Variants in RSPH3 observed in about 807,000 individuals in gnomAD.
RSPH3 encodes radial spoke head 3, also known as radial spoke head protein 3 homolog.
RSPH3 carries 21 observed loss-of-function variants against 43.8 expected under a neutral mutation model. The observed-to-expected ratio is 0.48, with a 90% CI of 0.34 to 0.69. The LOEUF is 0.69. Ranked by LOEUF, RSPH3 falls within the 30% of genes least tolerant of loss-of-function variation. The pLI is 0.01. For missense variants in RSPH3, 487 were observed against 516.0 expected, an observed-to-expected ratio of 0.94 and a Z score of 0.54; for synonymous variants, 173 against 179.8, an observed-to-expected ratio of 0.96 and a Z score of 0.30.
At position 158,993,933 on chromosome 6, in the gene RSPH3, A is replaced by G. The variant is rs781413612; in HGVS notation, c.117-7T>C. On this transcript the variant is annotated splice_region_variant and splice_polypyrimidine_tract_variant and intron_variant, in intron 1 of 7. Coordinates refer to ENST00000367069, the MANE Select transcript of RSPH3 (RefSeq NM_031924.8). The stretch of plus-strand genomic sequence containing the variant: ...ATGCATAGGTTCTTCATCTCTGTAA[A>G]ACAGAAAATTCTGTATAACCACTTT... 6.4e-7 allele frequency: 1 copy of G among 1,565,128 alleles called. No individual in the cohort carries two copies. The highest frequency in any genetic ancestry group is 1.7e-5 in the Admixed American group (1 of 59,768).
chr6:158,967,453 T>C, the RSPH3 span, among the ~76,000 whole-genome samples: 4 of 152,330 alleles, frequency 2.6e-5, no homozygotes, highest in African/African-American at 4.8e-5. Context: ...TGTATTGTGA[T>C]TGGAGAACAT....
At chr6:158,995,422 T>C (rs1168851152) in intron 1 of RSPH3, among the ~76,000 whole-genome samples, 2 of 152,132 alleles carry the variant, frequency 1.3e-5, no homozygotes, top group Non-Finnish European at 2.9e-5. Context: ...ACTGCACTCC[T>C]CCTGGAGGTC....
rs190171549 is a variant in RSPH3, at chr6:158,986,228, T to C, written c.346+52A>G. The C allele has an allele frequency of 2.2e-4, 343 of 1,583,132 alleles. 2 individuals are homozygous for C. The African/African-American group carries it at 4.1e-3, about 19-fold the overall frequency. On this transcript the variant is annotated intron_variant, in intron 3 of 7. Transcript: ENST00000367069. ...AAGGCCAAATAAAAATGAACTGACATAGACAACTGAGTAAACCAAGAGGAC... is the reference window on the plus strand; with the variant it reads ...AAGGCCAAATAAAAATGAACTGACACAGACAACTGAGTAAACCAAGAGGAC...
intron 6 of RSPH3, among the ~76,000 whole-genome samples, chr6:158,980,360 C>T (rs567729967): frequency 4.0e-5 from 6 of 151,204 alleles, no homozygotes; most frequent in South Asian, 2.1e-4. Context: ...ACCCAGGAGG[C>T]GGAGGTTGCA....
chr6:158,990,938 G>T (rs1489947540), intron 2 of RSPH3, among the ~76,000 whole-genome samples: 1 of 142,030 alleles, frequency 7.0e-6, no homozygotes. Context: ...GATAACTTCC[G>T]TTCTTCATTG....
downstream of RSPH3, among the ~76,000 whole-genome samples, chr6:158,968,741 C>T (rs1255450853): frequency 6.6e-6 from 1 of 151,908 alleles, no homozygotes; most frequent in East Asian, 2.0e-4. Flanking sequence ...GAAACAGAGT[C>T]TTGCTTTGTC....
At chr6:158,963,130 T>G in the RSPH3 span, among the ~76,000 whole-genome samples, 1 of 152,134 alleles carries the variant, frequency 6.6e-6, no homozygotes, top group Admixed American at 6.6e-5. Flanking sequence ...CAAAATATAT[T>G]TAATGATAAA....
chr6:158,994,584 G>C (rs970642292), intron 1 of RSPH3, among the ~76,000 whole-genome samples: 2 of 152,176 alleles, frequency 1.3e-5, no homozygotes, highest in African/African-American at 4.8e-5. Flanking sequence ...CCAGGAGGCA[G>C]AGGTTGCTGT....
chr6:158,984,993 G>A (rs910045204), intron 3 of RSPH3, among the ~76,000 whole-genome samples: 1 of 152,198 alleles, frequency 6.6e-6, no homozygotes, highest in African/African-American at 2.4e-5. Context: ...TTACCATGCA[G>A]AAATAATCCC....
intron 6 of RSPH3, 24 bp from the exon 7 acceptor site, chr6:158,978,370 T>C (rs1168698133): frequency 4.4e-6 from 5 of 1,128,040 alleles, no homozygotes; most frequent in Non-Finnish European, 6.7e-6. Flanking sequence ...ATTCATTGAT[T>C]TTCATGTATT....
Position 158,999,532 on chromosome 6 carries a change from C to A in RSPH3, c.19G>T (p.Asp7Tyr). 2 of 1,558,188 alleles carry A rather than the reference C, an allele frequency of 1.3e-6. No homozygotes were observed. The highest frequency in any genetic ancestry group is 1.7e-6 in the Non-Finnish European group (2 of 1,145,792). Reference sequence around the variant, plus strand: ...GTGCTCGGGGCCCGAGAGGTGCGATCAGTCAGCGCTGAGGCCATGTCCGGG... The same window carrying A: ...GTGCTCGGGGCCCGAGAGGTGCGATAAGTCAGCGCTGAGGCCATGTCCGGG... MASALT[D>Y]RTSRAPSTYT... The change falls in exon 1 of 8, where the codon GAT becomes TAT. Residue 7 changes from aspartate (D) to tyrosine (Y), a missense_variant. Physicochemically the swap from Asp to Tyr is radical, Grantham distance 160. Transcript: ENST00000367069.
Position 158,999,927 on chromosome 6 carries a change from T to G in RSPH3, c.-377A>C. On this transcript the variant is annotated 5_prime_UTR_variant, in exon 1 of 8. Transcript: ENST00000367069. The stretch of plus-strand genomic sequence containing the variant: ...GCCACCCAGGTAGGTGCGCCTGCGC[T>G]TTGCGAGGTTCCTGGCTAGGGAGGC... The G allele has an allele frequency of 3.1e-6, 5 of 1,611,158 alleles. No individual in the cohort carries two copies. The highest frequency in any genetic ancestry group is 4.2e-6 in the Non-Finnish European group (5 of 1,178,672).
At position 158,977,812 on chromosome 6, in the gene RSPH3, A is replaced by G; in HGVS notation, c.983T>C (p.Met328Thr). Reference protein sequence around the residue: ...IREVVEKRLCMYEHGEDTHQS... With the variant: ...IREVVEKRLCTYEHGEDTHQS... ...ATGTGTGTCTTCCCCATGCTCATAC[A>G]TACACAGCCTCTTTTCAACCACCTC... Residue 328 changes from methionine to threonine, a missense_variant, in exon 8 of 8, where the codon ATG becomes ACG. Met to Thr is a moderately conservative substitution (Grantham distance 81, BLOSUM62 -1). Transcript: ENST00000367069. 4 of 1,613,456 alleles carry G rather than the reference A, an allele frequency of 2.5e-6. No homozygotes were observed. Among genetic ancestry groups the G allele is most frequent in the Non-Finnish European group, 3.4e-6 (4 of 1,179,840 alleles).
chr6:158,983,945 C>G lies in RSPH3; in HGVS notation c.347-138G>C. 3.0e-5 allele frequency: 19 copies of G among 625,256 alleles called. No individual in the cohort carries two copies. The South Asian group carries it at 3.4e-4, about 11-fold the overall frequency. The allele number at this position is 625,256 out of a possible 1,614,324, so 38.7% of individuals were successfully genotyped here. A position where few individuals can be genotyped will look rare whatever the true frequency, so the allele number is the denominator to read the frequency against. Reference sequence around the variant, plus strand: ...AGCCAGGAGTTTGAGACCAGCCTGGCCAACATGGCGAAACCCCATCTCTAC... The same window carrying G: ...AGCCAGGAGTTTGAGACCAGCCTGGGCAACATGGCGAAACCCCATCTCTAC... On this transcript the variant is annotated intron_variant, in intron 3 of 7. Coordinates refer to ENST00000367069, the MANE Select transcript of RSPH3 (RefSeq NM_031924.8).
At position 158,989,166 on chromosome 6, in the gene RSPH3, C is replaced by T. The variant is rs1365597907; in HGVS notation, c.205-2745G>A. On this transcript the variant is annotated intron_variant, in intron 2 of 7. Transcript: ENST00000367069. The surrounding 1 kb of genome is among the most constrained non-coding windows in gnomAD (Gnocchi z 4.3). Reference sequence around the variant, plus strand: ...GGTTCAAGCGATTCTCCTGACTCAGCCTCTCAAGTAGCTGGGATTACAGGT... The same window carrying T: ...GGTTCAAGCGATTCTCCTGACTCAGTCTCTCAAGTAGCTGGGATTACAGGT... Among the ~76,000 whole-genome samples the T allele has an allele frequency of 6.6e-6, 1 of 152,060 alleles. No individual in the cohort carries two copies. The highest frequency in any genetic ancestry group is 1.9e-4 in the East Asian group (1 of 5,182).
At position 158,999,767 on chromosome 6, in the gene RSPH3, T is replaced by C. The variant is rs201139812; in HGVS notation, c.-217A>G. On this transcript the variant is annotated 5_prime_UTR_variant, in exon 1 of 8. Transcript: ENST00000367069. ...CGCTCCCAGCACCACAGAGACCAGC[T>C]GCGGGGGCCGCATCGGTTGCCCAGC... 6.2e-6 allele frequency: 10 copies of C among 1,610,954 alleles called. No individual in the cohort carries two copies. In the African/African-American group the frequency reaches 1.1e-4, roughly 17 times the overall value.
Position 158,999,989 on chromosome 6 carries a change from C to CG in RSPH3, c.-440dup. On this transcript the variant is annotated 5_prime_UTR_variant, in exon 1 of 8. The change abolishes the stop of an existing upstream ORF in the 5' untranslated region. Coordinates refer to ENST00000367069, the MANE Select transcript of RSPH3 (RefSeq NM_031924.8). Reference sequence around the variant, plus strand: ...GCTTGACCGTCATCCTTGAGGCCTGCGGGGCAACGGTGGCTGTCCTTGGCC... The same window carrying CG: ...GCTTGACCGTCATCCTTGAGGCCTGCGGGGGCAACGGTGGCTGTCCTTGGCC... 6.4e-7 allele frequency: 1 copy of CG among 1,563,202 alleles called. No individual in the cohort carries two copies. Among genetic ancestry groups the CG allele is most frequent in the Non-Finnish European group, 8.7e-7 (1 of 1,153,612 alleles).
chr6:158,984,434 T>TTTTATATATATATATATATATATATATA lies in RSPH3; in HGVS notation c.347-628_347-627insTATATATATATATATATATATATATAAA, dbSNP rs1300418942. On this transcript the variant is annotated intron_variant, in intron 3 of 7. Coordinates refer to ENST00000367069, the MANE Select transcript of RSPH3 (RefSeq NM_031924.8). ...AGTACAACAGTGGATAAAAAGTCAA[T>TTTTATATATATATATATATATATATATA]TATATATATATATATATATATATAT... Among the ~76,000 whole-genome samples, 27 of 63,650 alleles carry TTTTATATATATATATATATATATATATA rather than the reference T, an allele frequency of 4.2e-4. 2 individuals are homozygous for TTTTATATATATATATATATATATATATA. The highest frequency in any genetic ancestry group is 7.8e-3 in the Middle Eastern group (1 of 128). The allele number at this position is 63,650 out of a possible 152,430, so 41.8% of individuals were successfully genotyped here. A position where few individuals can be genotyped will look rare whatever the true frequency, so the allele number is the denominator to read the frequency against.
intron 1 of RSPH3, among the ~76,000 whole-genome samples, chr6:158,998,485 A>G (rs1234738601): frequency 1.3e-5 from 2 of 150,178 alleles, no homozygotes; most frequent in African/African-American, 2.4e-5. Flanking sequence ...AAAAAAAGAA[A>G]AAAAAAAAGG....
Sources: gnomAD v4.1 joint callset for allele counts (sites outside exome capture counted in the v4.1 genomes callset) on GRCh38, gnomAD v4.1.1 for gene constraint, Gnocchi (gnomAD v3.1) non-coding constraint, MANE v1.5 for transcripts, NCBI Gene and HGNC (gene_info 2026-07-23, HGNC 2026-07-21) for gene names.